The following GSN variants were observed in gnomAD, a reference collection of about 807,000 sequenced individuals.
The protein encoded by GSN is gelsolin.
A neutral mutation model predicts 85.7 loss-of-function variants in GSN; 56 were observed. The observed-to-expected ratio is 0.65, with a 90% CI of 0.53 to 0.82. GSN has a LOEUF of 0.82. Among genes scored for constraint, GSN ranks in the 40% least tolerant of loss-of-function variants. GSN has a pLI of 0.00. For synonymous variants in GSN, 373 were observed against 399.1 expected (o/e 0.93, Z 0.78); for missense variants, 857 against 979.8 (o/e 0.87, Z 1.67).
chr9:121,219,950 C>G (rs952882956), intron 4 of GSN, among the ~76,000 whole-genome samples: 7 of 151,826 alleles, frequency 4.6e-5, no homozygotes, highest in Admixed American at 4.6e-4. Context: ...GGCGCGATCT[C>G]AGCTCACCGC....
rs1366189154 is a variant in GSN, at chr9:121,261,427, G to C, written c.-340-3727G>C. On this transcript the variant is annotated intron_variant, in intron 6 of 24. Coordinates refer to the GSN transcript ENST00000373823. This position sits in a 1 kb window ranked among gnomAD's most constrained non-coding sequence, Gnocchi z 4.1. The stretch of plus-strand genomic sequence containing the variant: ...GGCATGCTCCCAGCCCCACATGAAA[G>C]GCAGTGGCTTTGGAGCAAAACCTGG... 6.6e-6 allele frequency among the ~76,000 whole-genome samples: 1 copy of C among 152,234 alleles called. No individual in the cohort carries two copies. Among genetic ancestry groups the C allele is most frequent in the African/African-American group, 2.4e-5 (1 of 41,454 alleles).
At chr9:121,305,662 G>A (rs186193487) in intron 4 of GSN, among the ~76,000 whole-genome samples, 48 of 152,246 alleles carry the variant, frequency 3.2e-4, no homozygotes, top group Non-Finnish European at 1.9e-4. Context: ...GCCCCCCGAT[G>A]ATTTTCCAGG....
At chr9:121,251,910 G>A (rs1037180744) in intron 6 of GSN, among the ~76,000 whole-genome samples, 11 of 152,162 alleles carry the variant, frequency 7.2e-5, no homozygotes, top group African/African-American at 7.2e-5. Flanking sequence ...GCAGTGAGCC[G>A]AGATCATGCC....
chr9:121,208,453 C>T (rs538057883), intron 1 of GSN, among the ~76,000 whole-genome samples: 16 of 152,308 alleles, frequency 1.1e-4, no homozygotes, highest in Middle Eastern at 3.4e-3. Flanking sequence ...GTATTCTTCC[C>T]GCACATGGAA....
intron 10 of GSN, among the ~76,000 whole-genome samples, chr9:121,319,723 AAG>A (rs775444245): frequency 1.7e-4 from 26 of 152,272 alleles, no homozygotes; most frequent in South Asian, 6.2e-4. Flanking sequence ...GAAAAATAAA[AAG>A]AAAACTAAGA....
intron 6 of GSN, among the ~76,000 whole-genome samples, chr9:121,251,184 G>GTTTTTTTTTTTTTTTTTTTT (rs1339859188): frequency 3.1e-4 from 2 of 6,370 alleles, no homozygotes; most frequent in East Asian, 5.4e-3. Flanking sequence ...CAGCTGATGT[G>GTTTTTTTTTTTTTTTTTTTT]TTCTTTTTTT....
intron 11 of GSN, among the ~76,000 whole-genome samples, chr9:121,321,861 CCT>C (rs200202434): frequency 0.02 from 3,054 of 152,228 alleles, 51 homozygotes; most frequent in Middle Eastern, 0.051. Flanking sequence ...CCTGCCTCAG[CCT>C]CTCTAGTAGC....
In GSN at chr9:121,324,655, C is replaced by T; in HGVS notation, c.1416+11C>T. On this transcript the variant is annotated intron_variant, in intron 12 of 17. Transcript: ENST00000432226. ...GGTACCCCTGTCCAGGTGAGCCCAG[C>T]CCACCGCCTCTCTGGGCTGCAGCCT... 7.3e-7 allele frequency: 1 copy of T among 1,368,784 alleles called. No individual in the cohort carries two copies. The allele number at this position is 1,368,784 out of a possible 1,614,324, so 84.8% of individuals were successfully genotyped here. A position where few individuals can be genotyped will look rare whatever the true frequency, so the allele number is the denominator to read the frequency against.
rs1589272605 is a variant in GSN at position 121,332,364 on chromosome 9, T to C, written c.2027-70T>C. ...CTTCTTTGTCAACTCCTGTCCTGAG[T>C]CACCCTCTCCCTGGTGTGGGAGGCA... On this transcript the variant is annotated intron_variant, in intron 17 of 17. Coordinates refer to ENST00000432226, the MANE Select transcript of GSN (RefSeq NM_198252.3). The surrounding 1 kb of genome is among the most constrained non-coding windows in gnomAD (Gnocchi z 4.8). 1 of 1,356,534 alleles carries C rather than the reference T, an allele frequency of 7.4e-7. No individual in the cohort carries two copies. The highest frequency in any genetic ancestry group is 2.3e-5 in the East Asian group (1 of 43,658). The allele number at this position is 1,356,534 out of a possible 1,614,324, so 84.0% of individuals were successfully genotyped here. A position where few individuals can be genotyped will look rare whatever the true frequency, so the allele number is the denominator to read the frequency against.
At chr9:121,328,776 G>A (rs1410977773) in intron 14 of GSN, 115 bp from the exon 15 acceptor site, 2 of 1,081,076 alleles carry the variant, frequency 1.9e-6, no homozygotes, top group Non-Finnish European at 2.8e-6. Context: ...TTAGGATGGA[G>A]GGAGGAGAGG....
rs1029672385 is a variant in GSN at position 121,331,417 on chromosome 9, A to G, written c.1995A>G (p.Gln665=). The change falls in exon 17 of 18, where the codon CAA becomes CAG. Residue 665 remains glutamine, a synonymous_variant. Coordinates refer to ENST00000432226, the MANE Select transcript of GSN (RefSeq NM_198252.3). ...QVFVWVGKDS[Q]EEEKTEALTS... ...TTGTCTGGGTTGGAAAGGATTCTCA[A>G]GAAGAAGAAAAGACAGAAGCCTTGA... 1 of 1,571,402 alleles carries G rather than the reference A, an allele frequency of 6.4e-7. No individual in the cohort carries two copies. Among genetic ancestry groups the G allele is most frequent in the African/African-American group, 1.4e-5 (1 of 73,340 alleles).
chr9:121,203,902 C>G (rs550727153), upstream of GSN, among the ~76,000 whole-genome samples: 3 of 152,300 alleles, frequency 2.0e-5, no homozygotes, highest in African/African-American at 7.2e-5. Flanking sequence ...TTTTGCAACC[C>G]TAGAGGTCTA....
At chr9:121,257,692 G>A (rs2054994838) in intron 6 of GSN, among the ~76,000 whole-genome samples, 1 of 152,188 alleles carries the variant, frequency 6.6e-6, no homozygotes, top group Non-Finnish European at 1.5e-5. Flanking sequence ...CCAACATGGC[G>A]AAACCCCATC....
intron 5 of GSN, among the ~76,000 whole-genome samples, chr9:121,247,029 T>C (rs2054713181): frequency 2.6e-5 from 4 of 152,136 alleles, no homozygotes; most frequent in Non-Finnish European, 5.9e-5. Context: ...TAGGCATCTA[T>C]ATAGTTGAGT....
chr9:121,266,592 A>G (rs1026928542), upstream of GSN, among the ~76,000 whole-genome samples: 3 of 152,220 alleles, frequency 2.0e-5, no homozygotes, highest in Non-Finnish European at 2.9e-5. Flanking sequence ...GTGTGACATA[A>G]GACATTGAGC....
At chr9:121,238,818 G>T in intron 5 of GSN, 1 of 525,326 alleles carries the variant, frequency 1.9e-6, no homozygotes, top group South Asian at 1.4e-5. Context: ...AAGATCATCT[G>T]AGCTAAGGGC....
chr9:121,224,183 G>C (rs899638687), intron 4 of GSN, among the ~76,000 whole-genome samples: 4 of 151,712 alleles, frequency 2.6e-5, no homozygotes, highest in African/African-American at 7.3e-5. Context: ...TGCAACCTCC[G>C]CCTCCCATGT....
chr9:121,286,693 G>T, intron 2 of GSN: 2 of 1,535,312 alleles, frequency 1.3e-6, no homozygotes, highest in South Asian at 1.2e-5. Context: ...ATTTGTGATT[G>T]AACAGCCACT....
At chr9:121,288,125 T>A (rs920981093) in intron 2 of GSN, among the ~76,000 whole-genome samples, 2 of 152,002 alleles carry the variant, frequency 1.3e-5, no homozygotes, top group African/African-American at 4.8e-5. Flanking sequence ...TGGGGACTTG[T>A]GGTGATGCCC....
Sources: allele counts gnomAD v4.1 joint callset (sites outside exome capture counted in the v4.1 genomes callset), GRCh38; gene constraint gnomAD v4.1.1; non-coding constraint Gnocchi (gnomAD v3.1); transcripts MANE v1.5; gene names NCBI Gene and HGNC (gene_info 2026-07-23, HGNC 2026-07-21).